SRGAP3: variants seen among roughly 807,000 people sequenced by gnomAD.
The protein encoded by SRGAP3 is SLIT-ROBO Rho GTPase-activating protein 3.
In SRGAP3, 39 loss-of-function variants were observed where a neutral mutation model predicts 121.1. The observed-to-expected ratio is 0.32, with a 90% CI of 0.25 to 0.42. The LOEUF (loss-of-function observed/expected upper bound fraction) is 0.42, where lower values mean the gene tolerates loss of function less well. SRGAP3 is among the 10% of genes least tolerant of loss of function. The probability of loss-of-function intolerance (pLI) is 1.00; values close to 1 mark genes in which losing one functional copy is unlikely to be tolerated. For missense variants in SRGAP3, 1,213 were observed against 1,470.6 expected, an observed-to-expected ratio of 0.82 and a Z score of 2.86; for synonymous variants, 601 against 570.0, an observed-to-expected ratio of 1.05 and a Z score of -0.77.
intron 21 of SRGAP3, among the ~76,000 whole-genome samples, chr3:8,986,770 ATCT>A (rs1263702192): frequency 1.3e-5 from 2 of 152,218 alleles, no homozygotes; most frequent in African/African-American, 2.4e-5. Context: ...GGCCAGAAAA[ATCT>A]TCTTCTGCCT....
At chr3:9,006,072 C>T (rs1943053326) in intron 18 of SRGAP3, among the ~76,000 whole-genome samples, 1 of 148,888 alleles carries the variant, frequency 6.7e-6, no homozygotes, top group African/African-American at 2.5e-5. Context: ...AGAAATTGGC[C>T]ACTGTTCTTT....
At chr3:9,008,511 TA>T (rs1202730219) in intron 18 of SRGAP3, among the ~76,000 whole-genome samples, 2 of 149,048 alleles carry the variant, frequency 1.3e-5, no homozygotes, top group East Asian at 3.9e-4. Flanking sequence ...GATCCAGAAA[TA>T]AAAAGAGCAA....
At position 8,980,714 on chromosome 3, in the gene SRGAP3, T is replaced by C. The variant is rs549457032; in HGVS notation, c.*4805A>G. ...ATAGGACGGGCGTTTGGTCGTAAGG[T>C]AGAGAAACGATATCCAGAAGAGGGC... On this transcript the variant is annotated 3_prime_UTR_variant, in exon 22 of 22. Coordinates refer to ENST00000383836, the MANE Select transcript of SRGAP3 (RefSeq NM_014850.4). 2 of 232,662 alleles carry C rather than the reference T, an allele frequency of 8.6e-6. No individual in the cohort carries two copies. Among genetic ancestry groups the C allele is most frequent in the South Asian group, 3.6e-4 (2 of 5,506 alleles). The allele number at this position is 232,662 out of a possible 1,614,324, so 14.4% of individuals were successfully genotyped here. A position where few individuals can be genotyped will look rare whatever the true frequency, so the allele number is the denominator to read the frequency against.
intron 10 of SRGAP3, among the ~76,000 whole-genome samples, chr3:9,043,342 T>C (rs1945109352): frequency 6.6e-6 from 1 of 152,134 alleles, no homozygotes; most frequent in Non-Finnish European, 1.5e-5. Flanking sequence ...ACTTAGTAGT[T>C]TGTTTACCGT....
intron 4 of SRGAP3, 28 bp from the exon 5 acceptor site, chr3:9,064,609 G>C (rs750196534): frequency 1.2e-6 from 2 of 1,613,362 alleles, no homozygotes; most frequent in Admixed American, 3.3e-5. Context: ...GGGGAAATCA[G>C]CAGCCAGCTA....
intron 3 of SRGAP3, among the ~76,000 whole-genome samples, chr3:9,303,735 G>C: frequency 6.6e-6 from 1 of 152,186 alleles, no homozygotes. Context: ...AATTTGAAAA[G>C]TCTACAATAA....
chr3:9,191,027 A>T (rs562670870), intron 1 of SRGAP3, among the ~76,000 whole-genome samples: 23 of 150,744 alleles, frequency 1.5e-4, no homozygotes, highest in East Asian at 7.8e-4. Flanking sequence ...CTCCATCCCT[A>T]CCCCACCTCT....
chr3:9,053,138 G>C lies in SRGAP3; in HGVS notation c.1212C>G (p.His404Gln). Residue 404 changes from histidine to glutamine, a missense_variant, in exon 9 of 22, where the codon CAC (histidine) becomes CAG (glutamine). Physicochemically the swap from His to Gln is conservative, Grantham distance 24. Transcript: ENST00000383836. ...EDFDVSDAFQ[H>Q]SRSTESVKSA... ...ACTTGACGGACTCTGTCGATCGACT[G>C]TGTTGGAAGGCATCGGAGACATCAA... is the stretch of plus-strand genomic sequence containing the variant. 3.7e-6 allele frequency: 6 copies of C among 1,614,224 alleles called. No homozygotes were observed. The highest frequency in any genetic ancestry group is 5.1e-6 in the Non-Finnish European group (6 of 1,180,040).
chr3:9,204,476 C>T (rs1279813232), intron 1 of SRGAP3, among the ~76,000 whole-genome samples: 1 of 152,242 alleles, frequency 6.6e-6, no homozygotes, highest in Non-Finnish European at 1.5e-5. Context: ...GTTTCTGTGA[C>T]AAACACTGGC....
intron 1 of SRGAP3, among the ~76,000 whole-genome samples, chr3:9,206,490 C>T (rs957504363): frequency 5.9e-5 from 9 of 152,200 alleles, no homozygotes; most frequent in African/African-American, 1.7e-4. Context: ...CCTGACTGTG[C>T]CACTGTCCTG....
Position 9,083,503 on chromosome 3 carries a change from T to C in SRGAP3, c.424-3416A>G, listed in dbSNP as rs576289297. ...AGCATATCATACACACCTTTGCATC[T>C]TTTCACTTAACGATATCTCTGAGAA... On this transcript the variant is annotated intron_variant, in intron 3 of 21. Coordinates refer to ENST00000383836, the MANE Select transcript of SRGAP3 (RefSeq NM_014850.4). Among the ~76,000 whole-genome samples the C allele has an allele frequency of 7.9e-5, 12 of 152,362 alleles. No individual in the cohort carries two copies. In the South Asian group the frequency reaches 2.5e-3, roughly 32 times the overall value.
At chr3:9,290,544 C>A (rs1954853447) in intron 3 of SRGAP3, among the ~76,000 whole-genome samples, 1 of 152,148 alleles carries the variant, frequency 6.6e-6, no homozygotes, top group South Asian at 2.1e-4. Context: ...ATTCAGATCA[C>A]AAGGTTCATA....
intron 3 of SRGAP3, among the ~76,000 whole-genome samples, chr3:9,093,059 G>A (rs1323907516): frequency 6.6e-6 from 1 of 152,150 alleles, no homozygotes; most frequent in African/African-American, 2.4e-5. Context: ...AAGTGACAGG[G>A]CTGTCTTCCT....
At position 9,146,996 on chromosome 3, in the gene SRGAP3, G is replaced by A. The variant is rs73019333; in HGVS notation, c.68-22079C>T. On this transcript the variant is annotated intron_variant, in intron 1 of 21. Coordinates refer to ENST00000383836, the MANE Select transcript of SRGAP3 (RefSeq NM_014850.4). ...CCTGCAGTTTGGTAAGACCAGAGAC[G>A]TGTGGGATGTGAAATTAATCCAGCT... is the stretch of plus-strand genomic sequence containing the variant. 2.3e-3 allele frequency among the ~76,000 whole-genome samples: 344 copies of A among 152,310 alleles called. 1 individual carries two copies. The highest frequency in any genetic ancestry group is 3.7e-3 in the Non-Finnish European group (253 of 68,020).
rs111377015 is a variant in SRGAP3 at position 9,006,383 on chromosome 3, A to G, written c.2227+3925T>C. On this transcript the variant is annotated intron_variant, in intron 18 of 21. Transcript: ENST00000383836. ...CCACTTTACTACAGCCTGGCAACAGAGCGAGACTCTGTCTCAAAAAAAAAA... is the reference window on the plus strand; with the variant it reads ...CCACTTTACTACAGCCTGGCAACAGGGCGAGACTCTGTCTCAAAAAAAAAA... 7.3e-3 allele frequency among the ~76,000 whole-genome samples: 1,047 copies of G among 142,604 alleles called. 24 individuals are homozygous for G. Among genetic ancestry groups the G allele is most frequent in the African/African-American group, 0.027 (1,004 of 36,938 alleles). 93.6% of individuals were successfully genotyped at this position (142,604 alleles called of 152,430 possible). A position where few individuals can be genotyped will look rare whatever the true frequency, so the allele number is the denominator to read the frequency against.
intron 1 of SRGAP3, among the ~76,000 whole-genome samples, chr3:9,331,737 G>A (rs1457575597): frequency 6.6e-6 from 1 of 152,114 alleles, no homozygotes; most frequent in African/African-American, 2.4e-5. Flanking sequence ...CATATTCTCA[G>A]AACCCCTGTC....
At chr3:9,335,820 T>C (rs1304767353) in intron 1 of SRGAP3, among the ~76,000 whole-genome samples, 1 of 152,174 alleles carries the variant, frequency 6.6e-6, no homozygotes, top group Non-Finnish European at 1.5e-5. Flanking sequence ...AAGATTTAAA[T>C]GGTCTGGGAT....
chr3:9,048,462 C>A (rs559646335), intron 9 of SRGAP3, among the ~76,000 whole-genome samples: 1 of 152,066 alleles, frequency 6.6e-6, no homozygotes, highest in East Asian at 1.9e-4. Flanking sequence ...GGGAGGGAGA[C>A]AATAAACGAA....
chr3:9,056,159 G>A (rs1560024725), intron 8 of SRGAP3, 74 bp downstream of exon 8: 1 of 1,377,850 alleles, frequency 7.3e-7, no homozygotes, highest in East Asian at 2.3e-5. Context: ...TGCACTTCGT[G>A]GCACAAGTGG....
Sources: allele counts gnomAD v4.1 joint callset (sites outside exome capture counted in the v4.1 genomes callset), GRCh38; gene constraint gnomAD v4.1.1; transcripts MANE v1.5; gene names NCBI Gene and HGNC (gene_info 2026-07-23, HGNC 2026-07-21).